The following UTRN variants were observed in gnomAD, a reference collection of about 807,000 sequenced individuals.
The protein encoded by UTRN is utrophin.
UTRN carries 283 observed loss-of-function variants against 463.9 expected under a neutral mutation model. The observed-to-expected ratio is 0.61, with a 90% confidence interval of 0.55 to 0.67. The LOEUF (loss-of-function observed/expected upper bound fraction) is 0.67, where lower values mean the gene tolerates loss of function less well. UTRN is among the 30% of genes least tolerant of loss of function. The pLI, the probability that UTRN is intolerant of heterozygous loss-of-function variation, is 0.00. For synonymous variants in UTRN, 1,442 were observed against 1,431.5 expected (o/e 1.01, Z -0.17); for missense variants, 3,922 against 4,084.3 (o/e 0.96, Z 1.08).
At chr6:144,665,925 G>C (rs988055781) in intron 51 of UTRN, among the ~76,000 whole-genome samples, 6 of 152,098 alleles carry the variant, frequency 3.9e-5, no homozygotes, top group Non-Finnish European at 7.4e-5. Context: ...TGAATATCTT[G>C]CCATGGCCCC....
At chr6:144,781,422 C>T (rs1032021279) in intron 60 of UTRN, among the ~76,000 whole-genome samples, 11 of 152,096 alleles carry the variant, frequency 7.2e-5, no homozygotes, top group Non-Finnish European at 1.5e-4. Flanking sequence ...GGAGCATCTT[C>T]AGTAAATTTT....
chr6:144,757,136 G>A (rs1792080481), intron 57 of UTRN, among the ~76,000 whole-genome samples: 1 of 150,464 alleles, frequency 6.6e-6, no homozygotes, highest in African/African-American at 2.4e-5. Flanking sequence ...TTCTTTTATG[G>A]CACTAAATTC....
rs1023345664 is a variant in UTRN at position 144,447,747 on chromosome 6, C to T, written c.1868C>T (p.Ser623Phe). ...DSEELTQRWD[S>F]LVQRLEDSSN... Reference sequence around the variant, plus strand: ...GAGGAACTGACTCAAAGATGGGATTCTTTGGTTCAGAGACTAGAAGATTCC... The same window carrying T: ...GAGGAACTGACTCAAAGATGGGATTTTTTGGTTCAGAGACTAGAAGATTCC... The change falls in exon 16 of 75, where the codon TCT becomes TTT. Residue 623 changes from serine (S) to phenylalanine (F), a missense_variant. Physicochemically the swap from Ser to Phe is radical, Grantham distance 155. Coordinates refer to ENST00000367545, the MANE Select transcript of UTRN (RefSeq NM_007124.3). 5.0e-6 allele frequency: 8 copies of T among 1,613,750 alleles called. No individual in the cohort carries two copies. Among genetic ancestry groups the T allele is most frequent in the Non-Finnish European group, 6.8e-6 (8 of 1,179,832 alleles).
chr6:144,587,662 C>T (rs1447531013), intron 51 of UTRN, among the ~76,000 whole-genome samples: 2 of 152,046 alleles, frequency 1.3e-5, no homozygotes, highest in African/African-American at 4.8e-5. Flanking sequence ...TCAAACATTT[C>T]CCCACCTTTT....
chr6:144,390,801 G>A (rs965689728), intron 2 of UTRN, among the ~76,000 whole-genome samples: 1 of 152,016 alleles, frequency 6.6e-6, no homozygotes, highest in African/African-American at 2.4e-5. Flanking sequence ...GAATGTATCT[G>A]TACCTGATAT....
chr6:144,435,347 C>G (rs553942112), intron 9 of UTRN, among the ~76,000 whole-genome samples: 1 of 152,246 alleles, frequency 6.6e-6, no homozygotes, highest in East Asian at 1.9e-4. Context: ...GAAATTTATT[C>G]CATGAGCCCT....
chr6:144,467,411 GA>G (rs994174736), intron 23 of UTRN, among the ~76,000 whole-genome samples: 3 of 152,214 alleles, frequency 2.0e-5, no homozygotes, highest in African/African-American at 7.2e-5. Context: ...TGAGCTCTTT[GA>G]GGGTTGGATC....
At position 144,334,763 on chromosome 6, in the gene UTRN, A is replaced by G. The variant is rs79109266; in HGVS notation, c.79+42856A>G. Among the ~76,000 whole-genome samples, 1,132 of 152,298 alleles carry G rather than the reference A, an allele frequency of 7.4e-3. 59 individuals are homozygous for G. The East Asian group carries it at 0.14, about 19-fold the overall frequency. ...GAAAGCCAGGGAGCTGCTTTGCAAG[A>G]TGCATGCTATGGCTGAAGGAACGGC... On this transcript the variant is annotated intron_variant, in intron 2 of 74. Transcript: ENST00000367545.
intron 2 of UTRN, among the ~76,000 whole-genome samples, chr6:144,294,549 C>T (rs1349219419): frequency 1.3e-5 from 2 of 151,618 alleles, no homozygotes; most frequent in Non-Finnish European, 2.9e-5. Context: ...GGAATACTTT[C>T]CTTTAGGAAA....
chr6:144,830,311 A>T (rs1234508180), intron 69 of UTRN, among the ~76,000 whole-genome samples: 1 of 152,156 alleles, frequency 6.6e-6, no homozygotes, highest in Non-Finnish European at 1.5e-5. Context: ...TACTGTCATT[A>T]TATATATTAA....
intron 54 of UTRN, among the ~76,000 whole-genome samples, chr6:144,744,130 A>C (rs1790405579): frequency 6.7e-6 from 1 of 148,508 alleles, no homozygotes; most frequent in Non-Finnish European, 1.5e-5. Context: ...CCTAAAAAAA[A>C]AAAAAAAAAA....
In UTRN at chr6:144,474,677, G is replaced by A. The variant is rs1562456312; in HGVS notation, c.3254G>A (p.Ser1085Asn). 6.2e-7 allele frequency: 1 copy of A among 1,614,078 alleles called. No homozygotes were observed. ...AAGGAAATAGAGACTAATCTTCGAAGTGGTCCAGTTGCTGGAATAAAAACT... is the reference window on the plus strand; with the variant it reads ...AAGGAAATAGAGACTAATCTTCGAAATGGTCCAGTTGCTGGAATAAAAACT... ...NMKEIETNLR[S>N]GPVAGIKTWV... The change falls in exon 25 of 75, where the codon AGT becomes AAT. Residue 1085 changes from serine to asparagine, a missense_variant. Ser to Asn is a conservative substitution (Grantham distance 46). Around this residue, in one of 3 missense-constraint regions of UTRN, gnomAD observed 2,349 missense variants for 2,303.8 expected, o/e 1.02. Transcript: ENST00000367545.
rs568747840 is a variant in UTRN, at chr6:144,666,803, T to C, written c.7480-11603T>C. Among the ~76,000 whole-genome samples, 16 of 152,300 alleles carry C rather than the reference T, an allele frequency of 1.1e-4. No individual in the cohort carries two copies. The Middle Eastern group carries it at 0.017, about 162-fold the overall frequency. On this transcript the variant is annotated intron_variant, in intron 51 of 74. Coordinates refer to ENST00000367545, the MANE Select transcript of UTRN (RefSeq NM_007124.3). ...CTGGTAGCACAGTTAAAGAAAGGTTTGTGGAACTGCTTATCATCCTTGGTT... is the reference window on the plus strand; with the variant it reads ...CTGGTAGCACAGTTAAAGAAAGGTTCGTGGAACTGCTTATCATCCTTGGTT...
At position 144,805,072 on chromosome 6, in the gene UTRN, A is replaced by G. The variant is rs1778028642; in HGVS notation, c.9357+1925A>G. Among the ~76,000 whole-genome samples the G allele has an allele frequency of 3.9e-5, 6 of 152,156 alleles. 1 individual carries two copies. The highest frequency in any genetic ancestry group is 2.6e-4 in the Admixed American group (4 of 15,256). ...AGTCTTTTAATGGAGAAGTGGGTGG[A>G]CAGGGATGGACAAAATGATTTGTGC... On this transcript the variant is annotated intron_variant, in intron 65 of 74. Transcript: ENST00000367545.
rs1797788125 is a variant in UTRN, at chr6:144,539,149, GC to G, written c.6370-144del. 1.4e-5 allele frequency: 13 copies of G among 930,240 alleles called. No homozygotes were observed. The East Asian group carries it at 3.7e-4, about 27-fold the overall frequency. The allele number at this position is 930,240 out of a possible 1,614,324, so 57.6% of individuals were successfully genotyped here. Reference sequence around the variant, plus strand: ...TCCTAGTTATCATTTGTTAGCATGAGCTTAAGCTTCTTATAAGTTTATTTTT... The same window carrying G: ...TCCTAGTTATCATTTGTTAGCATGAGTTAAGCTTCTTATAAGTTTATTTTT... On this transcript the variant is annotated intron_variant, in intron 44 of 74. Transcript: ENST00000367545.
chr6:144,523,697 T>A (rs560298023), intron 41 of UTRN, among the ~76,000 whole-genome samples: 2 of 152,172 alleles, frequency 1.3e-5, no homozygotes, highest in Non-Finnish European at 2.9e-5. Flanking sequence ...TAACATAATA[T>A]CTTAATGATA....
intron 41 of UTRN, among the ~76,000 whole-genome samples, chr6:144,524,113 T>C (rs1460897169): frequency 6.6e-6 from 1 of 152,212 alleles, no homozygotes. Context: ...ATCATGTTCC[T>C]TCTCTTTTTT....
chr6:144,584,450 G>A (rs1460645767), intron 51 of UTRN, among the ~76,000 whole-genome samples: 11 of 152,054 alleles, frequency 7.2e-5, no homozygotes, highest in South Asian at 2.1e-4. Context: ...CCGTTCTCAA[G>A]AATGTATCTT....
At chr6:144,466,463 A>T (rs1048071234) in intron 23 of UTRN, among the ~76,000 whole-genome samples, 1 of 152,202 alleles carries the variant, frequency 6.6e-6, no homozygotes, top group African/African-American at 2.4e-5. Flanking sequence ...TGTTATGCCC[A>T]AATACATTCT....
Sources: allele counts gnomAD v4.1 joint callset (sites outside exome capture counted in the v4.1 genomes callset), GRCh38; gene constraint gnomAD v4.1.1; regional missense constraint gnomAD v4.1.1; transcripts MANE v1.5; gene names NCBI Gene and HGNC (gene_info 2026-07-23, HGNC 2026-07-21).